RALGAPA2: variants seen among roughly 807,000 people sequenced by gnomAD.
RALGAPA2 encodes ral GTPase-activating protein subunit alpha-2.
In RALGAPA2, 139 loss-of-function variants were observed where a neutral mutation model predicts 230.4. The ratio of observed to expected loss-of-function variants is 0.60; its 90% CI spans 0.53 to 0.69. The LOEUF is 0.69. Ranked by LOEUF, RALGAPA2 falls within the 30% of genes least tolerant of loss-of-function variation. RALGAPA2 has a pLI of 0.00. For synonymous variants in RALGAPA2, 847 were observed against 837.8 expected (o/e 1.01, Z -0.19); for missense variants, 2,163 against 2,276.0 (o/e 0.95, Z 1.01).
chr20:20,699,684 C>T (rs1213691527), intron 1 of RALGAPA2, among the ~76,000 whole-genome samples: 5 of 151,954 alleles, frequency 3.3e-5, no homozygotes, highest in Admixed American at 2.0e-4. Context: ...GACATACAAG[C>T]GGCCAACAAA....
chr20:20,507,695 C>T (rs1185160890), intron 33 of RALGAPA2, among the ~76,000 whole-genome samples: 7 of 152,240 alleles, frequency 4.6e-5, no homozygotes, highest in Non-Finnish European at 8.8e-5. Flanking sequence ...ATTTAGAAAA[C>T]TTGTCCTCAT....
intron 1 of RALGAPA2, among the ~76,000 whole-genome samples, chr20:20,687,718 C>G (rs1301603270): frequency 1.3e-5 from 2 of 152,152 alleles, no homozygotes; most frequent in African/African-American, 2.4e-5. Flanking sequence ...TGTTATGCAA[C>G]ACTATTATAG....
chr20:20,389,822 G>A lies in RALGAPA2; in HGVS notation c.*3467C>T, dbSNP rs1187996975. On this transcript the variant is annotated 3_prime_UTR_variant, in exon 40 of 40. Coordinates refer to ENST00000202677, the MANE Select transcript of RALGAPA2 (RefSeq NM_020343.4). Reference sequence around the variant, plus strand: ...ACCTAGGAAGGAACCTAGATGTGGAGCATTAGGAAAATTAAATAACAAGAG... The same window carrying A: ...ACCTAGGAAGGAACCTAGATGTGGAACATTAGGAAAATTAAATAACAAGAG... 6.6e-6 allele frequency: 1 copy of A among 152,048 alleles called. No individual in the cohort carries two copies. Among genetic ancestry groups the A allele is most frequent in the Non-Finnish European group, 1.5e-5 (1 of 68,020 alleles). 9.4% of individuals were successfully genotyped at this position (152,048 alleles called of 1,614,324 possible). A position where few individuals can be genotyped will look rare whatever the true frequency, so the allele number is the denominator to read the frequency against.
chr20:20,466,110 T>C (rs1215807645), intron 37 of RALGAPA2, among the ~76,000 whole-genome samples: 3 of 152,194 alleles, frequency 2.0e-5, no homozygotes. Flanking sequence ...GCCTCAGCAC[T>C]GGGGAGACAC....
Position 20,463,553 on chromosome 20 carries a change from A to G in RALGAPA2, c.5495+9276T>C, listed in dbSNP as rs147047074. On this transcript the variant is annotated intron_variant, in intron 37 of 39. Transcript: ENST00000202677. Reference sequence around the variant, plus strand: ...ATTATGATTTTTATTAGGATTCATTAGGATTATAAAAAGTCTTGTAATGGC... The same window carrying G: ...ATTATGATTTTTATTAGGATTCATTGGGATTATAAAAAGTCTTGTAATGGC... 5.2e-3 allele frequency among the ~76,000 whole-genome samples: 790 copies of G among 152,332 alleles called. 9 individuals carry two copies. Among genetic ancestry groups the G allele is most frequent in the African/African-American group, 0.018 (759 of 41,582 alleles).
chr20:20,696,132 C>T (rs1469860029), intron 1 of RALGAPA2, among the ~76,000 whole-genome samples: 1 of 152,188 alleles, frequency 6.6e-6, no homozygotes, highest in African/African-American at 2.4e-5. Flanking sequence ...TCCTGTCCCA[C>T]TGGCCACAAA....
chr20:20,432,208 A>G (rs1285581035), intron 37 of RALGAPA2, among the ~76,000 whole-genome samples: 4 of 152,188 alleles, frequency 2.6e-5, no homozygotes, highest in Non-Finnish European at 5.9e-5. Context: ...CTATGGAATA[A>G]AACACGTAGG....
intron 7 of RALGAPA2, among the ~76,000 whole-genome samples, chr20:20,638,233 C>T (rs1156931187): frequency 6.6e-6 from 1 of 152,206 alleles, no homozygotes; most frequent in Admixed American, 6.5e-5. Flanking sequence ...TAGGGAAACA[C>T]AGCCCTTAGA....
intron 3 of RALGAPA2, among the ~76,000 whole-genome samples, chr20:20,670,494 T>C (rs1295161892): frequency 6.6e-6 from 1 of 152,188 alleles, no homozygotes; most frequent in East Asian, 1.9e-4. Context: ...GACTAGCCCA[T>C]GTAAAACATG....
chr20:20,532,767 C>T lies in RALGAPA2; in HGVS notation c.3474-972G>A, dbSNP rs1238182145. Among the ~76,000 whole-genome samples the T allele has an allele frequency of 2.0e-5, 3 of 152,222 alleles. No individual in the cohort carries two copies. The East Asian group carries it at 5.8e-4, about 29-fold the overall frequency. The stretch of plus-strand genomic sequence containing the variant: ...TAGAGAGAATAGGCCCAGCCCTAAG[C>T]CCTGCGTCACTCTAACATTCATCAG... On this transcript the variant is annotated intron_variant, in intron 26 of 39. Transcript: ENST00000202677.
chr20:20,399,988 A>G (rs2059798519), intron 38 of RALGAPA2, among the ~76,000 whole-genome samples: 1 of 152,258 alleles, frequency 6.6e-6, no homozygotes, highest in Non-Finnish European at 1.5e-5. Flanking sequence ...GAGAGCTGGC[A>G]TGGATGAGGG....
intron 37 of RALGAPA2, among the ~76,000 whole-genome samples, chr20:20,434,179 C>G (rs929008101): frequency 2.0e-5 from 3 of 152,122 alleles, no homozygotes; most frequent in Non-Finnish European, 4.4e-5. Flanking sequence ...AAAAATAAAA[C>G]AAATTTTAAT....
Position 20,512,547 on chromosome 20 carries a change from G to A in RALGAPA2, c.4822C>T (p.Leu1608Phe). The change falls in exon 32 of 40, where the codon CTT (leucine) becomes TTT (phenylalanine). Residue 1608 changes from leucine (L) to phenylalanine (F), a missense_variant. Physicochemically the swap from Leu to Phe is conservative, Grantham distance 22. Transcript: ENST00000202677. The part of the protein sequence containing the change: ...RGPFYFCRLL[L>F]DDLGMNSWDR... ...CAAGAATTCATTCCCAAGTCATCAA[G>A]CAATAACCTGCAGAAATAAAAGGGT... The A allele has an allele frequency of 6.2e-7, 1 of 1,611,422 alleles. No individual in the cohort carries two copies. Among genetic ancestry groups the A allele is most frequent in the Non-Finnish European group, 8.5e-7 (1 of 1,178,918 alleles).
chr20:20,629,542 C>A lies in RALGAPA2; in HGVS notation c.1054G>T (p.Gly352Cys). The change falls in exon 10 of 40, where the codon GGT (glycine) becomes TGT (cysteine). Residue 352 changes from glycine to cysteine, a missense_variant. Coordinates refer to ENST00000202677, the MANE Select transcript of RALGAPA2 (RefSeq NM_020343.4). ...CTTTTGTCCTGCTCCGTGGGCCCAC[C>A]ACCATCCAGCTCAGGCGCTCTCTCC... ...VQERAPELDG[G>C]GPTEQDKSHS... The A allele has an allele frequency of 6.2e-7, 1 of 1,613,878 alleles. No individual in the cohort carries two copies. The highest frequency in any genetic ancestry group is 8.5e-7 in the Non-Finnish European group (1 of 1,179,900).
chr20:20,427,804 G>A lies in RALGAPA2; in HGVS notation c.5496-15656C>T, dbSNP rs143633993. Reference sequence around the variant, plus strand: ...AAAAAGATTTTTTTTTTTTGTAAGGGGTGTTTTCTTTTGTAGCTGGACAAC... The same window carrying A: ...AAAAAGATTTTTTTTTTTTGTAAGGAGTGTTTTCTTTTGTAGCTGGACAAC... On this transcript the variant is annotated intron_variant, in intron 37 of 39. Coordinates refer to ENST00000202677, the MANE Select transcript of RALGAPA2 (RefSeq NM_020343.4). Among the ~76,000 whole-genome samples, 461 of 151,862 alleles carry A rather than the reference G, an allele frequency of 3.0e-3. 2 individuals are homozygous for A. Among genetic ancestry groups the A allele is most frequent in the African/African-American group, 0.011 (445 of 41,440 alleles).
chr20:20,446,353 T>C (rs1294980354), intron 37 of RALGAPA2, among the ~76,000 whole-genome samples: 3 of 152,230 alleles, frequency 2.0e-5, no homozygotes, highest in Non-Finnish European at 2.9e-5. Context: ...TGGCAGATTA[T>C]CAATCTTTTG....
intron 16 of RALGAPA2, among the ~76,000 whole-genome samples, chr20:20,595,757 G>A (rs1323784545): frequency 6.6e-6 from 1 of 152,082 alleles, no homozygotes; most frequent in African/African-American, 2.4e-5. Context: ...TTCAAGACCA[G>A]CCTGGTCAAC....
At chr20:20,630,167 A>G (rs922354397) in intron 9 of RALGAPA2, among the ~76,000 whole-genome samples, 1 of 152,224 alleles carries the variant, frequency 6.6e-6, no homozygotes, top group Non-Finnish European at 1.5e-5. Flanking sequence ...TAAACATTTA[A>G]AAGACTTTAG....
chr20:20,508,660 T>TA lies in RALGAPA2; in HGVS notation c.4928+2593dup, dbSNP rs202150757. On this transcript the variant is annotated intron_variant, in intron 33 of 39. Coordinates refer to ENST00000202677, the MANE Select transcript of RALGAPA2 (RefSeq NM_020343.4). ...CAGTGAGATACATTGATATCAGAAT[T>TA]AAACAGAAATGTTCTAAATGAAAGT... 7.5e-3 allele frequency among the ~76,000 whole-genome samples: 1,137 copies of TA among 152,340 alleles called. 11 individuals carry two copies. Among genetic ancestry groups the TA allele is most frequent in the African/African-American group, 0.026 (1,091 of 41,576 alleles).
Sources: gnomAD v4.1 joint callset for allele counts (sites outside exome capture counted in the v4.1 genomes callset) on GRCh38, gnomAD v4.1.1 for gene constraint, MANE v1.5 for transcripts, NCBI Gene and HGNC (gene_info 2026-07-23, HGNC 2026-07-21) for gene names.